The following SLC13A2 variants were observed in gnomAD, a reference collection of about 807,000 sequenced individuals.
SLC13A2 encodes solute carrier family 13 member 2, also known as Na(+)-coupled citrate transporter.
A neutral mutation model predicts 58.5 loss-of-function variants in SLC13A2; 40 were observed. The ratio of observed to expected loss-of-function variants is 0.68; its 90% CI spans 0.53 to 0.89. SLC13A2 has a LOEUF of 0.89. Among genes scored for constraint, SLC13A2 ranks in the 40% least tolerant of loss-of-function variants. The pLI is 0.00. For missense variants in SLC13A2, 694 were observed against 772.6 expected, an observed-to-expected ratio of 0.90 and a Z score of 1.21; for synonymous variants, 341 against 331.6, an observed-to-expected ratio of 1.03 and a Z score of -0.31.
intron 1 of SLC13A2, among the ~76,000 whole-genome samples, chr17:28,485,424 G>A (rs569431524): frequency 2.0e-5 from 3 of 152,320 alleles, no homozygotes; most frequent in East Asian, 3.9e-4. Flanking sequence ...GAGCACTAGA[G>A]TGACCTGGAA....
rs1305188089 is a variant in SLC13A2, at chr17:28,478,047, G to A, written c.102+4233G>A. On this transcript the variant is annotated intron_variant, in intron 1 of 11. Transcript: ENST00000314669. ...CACTCCAGCCTAGGAGACAGAGCAA[G>A]GCTCAGTCTCAAAAAATAAAAAAAA... 6.6e-5 allele frequency among the ~76,000 whole-genome samples: 10 copies of A among 152,050 alleles called. No individual in the cohort carries two copies. The East Asian group carries it at 1.7e-3, about 26-fold the overall frequency.
chr17:28,479,070 C>T (rs548795204), intron 1 of SLC13A2, among the ~76,000 whole-genome samples: 206 of 152,030 alleles, frequency 1.4e-3, no homozygotes, highest in Admixed American at 4.3e-3. Flanking sequence ...AAAAATTAGC[C>T]AGGTGTGGTG....
rs782495875 is a variant in SLC13A2 at position 28,493,984 on chromosome 17, AC to A, written c.1098-30del. On this transcript the variant is annotated intron_variant, in intron 7 of 11. Transcript: ENST00000314669. ...GGCCCTGAGCAACCCCAAGCGGCTA[AC>A]CCAGCCCTCCCCGCGCCCCCTCCAC... The A allele has an allele frequency of 2.9e-5, 46 of 1,601,460 alleles. No homozygotes were observed. The African/African-American group carries it at 5.9e-4, about 20-fold the overall frequency.
chr17:28,494,172 C>T lies in SLC13A2; in HGVS notation c.1186+67C>T. On this transcript the variant is annotated intron_variant, in intron 8 of 11. Coordinates refer to ENST00000314669, the MANE Select transcript of SLC13A2 (RefSeq NM_003984.4). This position sits in a 1 kb window ranked among gnomAD's most constrained non-coding sequence, Gnocchi z 4.0. ...CCCTGCCTTCAAGTATGTAATGTAC[C>T]TTCCACCACACTTGGCAGGAGTAGG... 1.3e-6 allele frequency: 2 copies of T among 1,515,128 alleles called. No homozygotes were observed. The highest frequency in any genetic ancestry group is 2.3e-5 in the South Asian group (2 of 88,326). The allele number at this position is 1,515,128 out of a possible 1,614,324, so 93.9% of individuals were successfully genotyped here.
At chr17:28,480,398 C>T (rs975587778) in intron 1 of SLC13A2, among the ~76,000 whole-genome samples, 4 of 152,142 alleles carry the variant, frequency 2.6e-5, no homozygotes, top group Non-Finnish European at 5.9e-5. Flanking sequence ...AAGGCAGGGA[C>T]TTGGATGATT....
intron 2 of SLC13A2, chr17:28,490,213 G>T (rs782571619): frequency 1.7e-6 from 2 of 1,210,198 alleles, no homozygotes; most frequent in Non-Finnish European, 2.3e-6. Context: ...GGTGGAGGTT[G>T]CAGTGAGCTG....
intron 1 of SLC13A2, 107 bp downstream of exon 1, chr17:28,473,921 C>A: frequency 3.3e-6 from 3 of 896,276 alleles, no homozygotes; most frequent in Non-Finnish European, 5.2e-6. Flanking sequence ...CTCACTGCCC[C>A]TGCCCTGGAA....
chr17:28,487,577 T>C, intron 1 of SLC13A2: 4 of 985,372 alleles, frequency 4.1e-6, no homozygotes, highest in Non-Finnish European at 4.8e-6. Flanking sequence ...CCCTGCTCCT[T>C]GTCTCTGGCC....
At chr17:28,486,998 A>T (rs782485456) in intron 1 of SLC13A2, among the ~76,000 whole-genome samples, 20 of 152,074 alleles carry the variant, frequency 1.3e-4, no homozygotes, top group African/African-American at 1.9e-4. Context: ...GGGTTTTGCC[A>T]TGTTGCCCAG....
chr17:28,474,194 G>A (rs2068633272), intron 1 of SLC13A2, among the ~76,000 whole-genome samples: 1 of 152,186 alleles, frequency 6.6e-6, no homozygotes, highest in Admixed American at 6.5e-5. Flanking sequence ...GGACGGCTGG[G>A]TAAGCAGCAG....
intron 1 of SLC13A2, among the ~76,000 whole-genome samples, chr17:28,477,388 G>GT (rs547614570): frequency 1.2e-3 from 186 of 151,704 alleles, no homozygotes; most frequent in African/African-American, 4.3e-3. Flanking sequence ...TAGAGACGGG[G>GT]TTTCACCGTG....
Position 28,495,759 on chromosome 17 carries a change from C to T in SLC13A2, c.1413C>T (p.Thr471=), listed in dbSNP as rs782765771. ...IILSLLVATF[T]ECTSNVATTT... ...TCTCCCTCCTGGTGGCCACCTTCAC[C>T]GAGTGCACTAGCAACGTGGCCACCA... The change falls in exon 10 of 12, where the codon ACC becomes ACT. Residue 471 remains threonine (T), a synonymous_variant. Coordinates refer to ENST00000314669, the MANE Select transcript of SLC13A2 (RefSeq NM_003984.4). The T allele has an allele frequency of 2.5e-5, 41 of 1,613,372 alleles. No homozygotes were observed. The highest frequency in any genetic ancestry group is 5.5e-5 in the South Asian group (5 of 91,074).
intron 6 of SLC13A2, 101 bp downstream of exon 6, chr17:28,491,953 A>G (rs1210762868): frequency 2.7e-5 from 40 of 1,482,912 alleles, no homozygotes; most frequent in African/African-American, 4.2e-5. Flanking sequence ...CACCATCCCA[A>G]TGAGAAGGCT....
rs782756833 is a variant in SLC13A2 at position 28,491,852 on chromosome 17, A to G, written c.878A>G (p.Asn293Ser). 1.2e-6 allele frequency: 2 copies of G among 1,613,762 alleles called. No homozygotes were observed. The highest frequency in any genetic ancestry group is 1.7e-6 in the Non-Finnish European group (2 of 1,179,724). Reference sequence around the variant, plus strand: ...CTGCAGATCCTCTTCCTGGGCTTCAAGTAAGTGGCAAAGTTGGTGAGAGAA... The same window carrying G: ...CTGCAGATCCTCTTCCTGGGCTTCAGGTAAGTGGCAAAGTTGGTGAGAGAA... ...LWLQILFLGFNFRKNFGIGEK... is the reference protein window; with the variant it reads ...LWLQILFLGFSFRKNFGIGEK... The change falls in exon 6 of 12, where the codon AAC (asparagine) becomes AGC (serine). Residue 293 changes from asparagine (N) to serine (S), a missense_variant and splice_region_variant. Transcript: ENST00000314669.
At chr17:28,484,081 A>C (rs782488782) in intron 1 of SLC13A2, among the ~76,000 whole-genome samples, 1 of 152,160 alleles carries the variant, frequency 6.6e-6, no homozygotes, top group Non-Finnish European at 1.5e-5. Flanking sequence ...TTCAGTGTCA[A>C]CTCTGCTAAA....
intron 1 of SLC13A2, 22 bp from the exon 2 acceptor site, chr17:28,489,192 G>A (rs369090828): frequency 6.2e-7 from 1 of 1,611,012 alleles, no homozygotes; most frequent in African/African-American, 1.3e-5. Context: ...TGACAGCTCT[G>A]CCGCTTCTCT....
chr17:28,490,329 C>T, intron 2 of SLC13A2, 125 bp from the exon 3 acceptor site: 1 of 1,606,916 alleles, frequency 6.2e-7, no homozygotes, highest in Non-Finnish European at 8.5e-7. Context: ...CCATTTCCAT[C>T]CAGTTTCGAG....
At chr17:28,482,959 G>A (rs1567848372) in intron 1 of SLC13A2, among the ~76,000 whole-genome samples, 1 of 152,196 alleles carries the variant, frequency 6.6e-6, no homozygotes, top group Non-Finnish European at 1.5e-5. Context: ...CCTGAGACCC[G>A]GGAGTGCTCC....
In SLC13A2 at chr17:28,496,669, A is replaced by T; in HGVS notation, c.1608+82A>T. On this transcript the variant is annotated intron_variant, in intron 11 of 11. Coordinates refer to ENST00000314669, the MANE Select transcript of SLC13A2 (RefSeq NM_003984.4). This position sits in a 1 kb window ranked among gnomAD's most constrained non-coding sequence, Gnocchi z 4.2. ...CTTAGTGAACCACAAAGCAGCTTAA[A>T]GCCACTGAGAGTCTCAGAGTTGAGC... The T allele has an allele frequency of 6.6e-7, 1 of 1,524,088 alleles. No homozygotes were observed. Among genetic ancestry groups the T allele is most frequent in the Non-Finnish European group, 8.9e-7 (1 of 1,128,244 alleles). 94.4% of individuals were successfully genotyped at this position (1,524,088 alleles called of 1,614,324 possible).
Sources: gnomAD v4.1 joint callset for allele counts (sites outside exome capture counted in the v4.1 genomes callset) on GRCh38, gnomAD v4.1.1 for gene constraint, Gnocchi (gnomAD v3.1) non-coding constraint, MANE v1.5 for transcripts, NCBI Gene and HGNC (gene_info 2026-07-23, HGNC 2026-07-21) for gene names.